Variants in ADGRD1 observed in about 807,000 individuals in gnomAD.
ADGRD1 encodes G-protein coupled receptor 133.
In ADGRD1, 77 loss-of-function variants were observed where a neutral mutation model predicts 113.4. The ratio of observed to expected loss-of-function variants is 0.68; its 90% CI spans 0.57 to 0.82. The LOEUF is 0.82. ADGRD1 is among the 40% of genes least tolerant of loss of function. The pLI, the probability that ADGRD1 is intolerant of heterozygous loss-of-function variation, is 0.00. For missense variants in ADGRD1, 1,036 were observed against 1,139.1 expected (o/e 0.91, Z 1.30); for synonymous variants, 474 against 475.0 (o/e 1.00, Z 0.03).
chr12:131,049,402 C>T (rs190060811), intron 13 of ADGRD1, among the ~76,000 whole-genome samples: 2 of 152,324 alleles, frequency 1.3e-5, no homozygotes, highest in East Asian at 1.9e-4. Context: ...TTCCTCCACT[C>T]GATGTGGAGA....
intron 13 of ADGRD1, among the ~76,000 whole-genome samples, chr12:131,071,927 G>A (rs908616314): frequency 1.3e-5 from 2 of 150,792 alleles, no homozygotes; most frequent in Non-Finnish European, 3.0e-5. Flanking sequence ...TGTGGGTCCC[G>A]GCCTGGCTTC....
intron 13 of ADGRD1, among the ~76,000 whole-genome samples, chr12:131,030,402 G>A (rs975321994): frequency 1.3e-5 from 2 of 152,220 alleles, no homozygotes; most frequent in Non-Finnish European, 2.9e-5. Flanking sequence ...TGGGGCAGTG[G>A]CTCTATCTCC....
At chr12:130,973,634 T>C (rs1202028181) in intron 4 of ADGRD1, among the ~76,000 whole-genome samples, 1 of 152,184 alleles carries the variant, frequency 6.6e-6, no homozygotes, top group Admixed American at 6.5e-5. Context: ...CAAACATGTA[T>C]TCACTCATTT....
intron 20 of ADGRD1, among the ~76,000 whole-genome samples, chr12:131,122,639 G>C (rs55680736): frequency 0.27 from 40,327 of 151,934 alleles, 5,616 homozygotes; most frequent in South Asian, 0.46. Flanking sequence ...TAGTGACAGA[G>C]GGTGGGAAGG....
At chr12:131,106,838 A>G (rs147205580) in intron 17 of ADGRD1, among the ~76,000 whole-genome samples, 2 of 152,326 alleles carry the variant, frequency 1.3e-5, no homozygotes, top group Non-Finnish European at 1.5e-5. Flanking sequence ...TGGGGTGTGC[A>G]CTGGCCTCAT....
intron 15 of ADGRD1, among the ~76,000 whole-genome samples, chr12:131,097,407 G>A (rs745714212): frequency 7.9e-5 from 12 of 152,300 alleles, no homozygotes; most frequent in African/African-American, 1.9e-4. Context: ...GTCCTCTCCC[G>A]TCCTGCAGCA....
At chr12:131,063,839 AC>A (rs1292176436) in intron 13 of ADGRD1, among the ~76,000 whole-genome samples, 1 of 152,220 alleles carries the variant, frequency 6.6e-6, no homozygotes, top group Non-Finnish European at 1.5e-5. Flanking sequence ...TGCTGGGATG[AC>A]TAGGAATTAC....
In ADGRD1 at chr12:131,057,613, G is replaced by T. The variant is rs998214607; in HGVS notation, c.1474-19188G>T. 6.6e-6 allele frequency among the ~76,000 whole-genome samples: 1 copy of T among 152,132 alleles called. No individual in the cohort carries two copies. The highest frequency in any genetic ancestry group is 1.5e-5 in the Non-Finnish European group (1 of 68,034). ...CCGTCTCCCCACGGCCTCCTCTTCCGTGTGTCATTGTCCTTTCCCGCAGTG... is the reference window on the plus strand; with the variant it reads ...CCGTCTCCCCACGGCCTCCTCTTCCTTGTGTCATTGTCCTTTCCCGCAGTG... On this transcript the variant is annotated intron_variant, in intron 13 of 24. Transcript: ENST00000261654. This position sits in a 1 kb window ranked among gnomAD's most constrained non-coding sequence, Gnocchi z 4.2.
chr12:131,038,387 C>T (rs764781230), intron 13 of ADGRD1, among the ~76,000 whole-genome samples: 8 of 152,232 alleles, frequency 5.3e-5, no homozygotes, highest in South Asian at 2.1e-4. Flanking sequence ...TGCCTGCCAC[C>T]TCCGGGTTGT....
chr12:131,078,821 A>G (rs1342446298), intron 14 of ADGRD1, among the ~76,000 whole-genome samples: 1 of 152,170 alleles, frequency 6.6e-6, no homozygotes, highest in Non-Finnish European at 1.5e-5. Flanking sequence ...TAGTATCTGT[A>G]TCCTTCCTGT....
intron 4 of ADGRD1, among the ~76,000 whole-genome samples, chr12:130,979,509 G>A (rs1026706082): frequency 1.3e-5 from 2 of 152,116 alleles, no homozygotes; most frequent in Non-Finnish European, 2.9e-5. Flanking sequence ...CCTTATACAC[G>A]AATGACAAAT....
In ADGRD1 at chr12:130,991,076, G is replaced by A. The variant is rs147105264; in HGVS notation, c.808G>A (p.Val270Met). The A allele has an allele frequency of 2.1e-5, 34 of 1,613,272 alleles. No individual in the cohort carries two copies. In the Admixed American group the frequency reaches 2.5e-4, roughly 12 times the overall value. The change falls in exon 7 of 25, where the codon GTG (valine) becomes ATG (methionine). Residue 270 changes from valine (V) to methionine (M), a missense_variant and splice_region_variant. Transcript: ENST00000261654. ...SLFMTSTASP[V>M]MPTDAYHPII... ...CTTCATGACATCCACAGCAAGCCCC[G>A]TGGTGAGCAGACACATCTTCCTTGG... is the stretch of plus-strand genomic sequence containing the variant.
At chr12:131,034,219 C>CCCA (rs1881131709) in intron 13 of ADGRD1, among the ~76,000 whole-genome samples, 1 of 152,238 alleles carries the variant, frequency 6.6e-6, no homozygotes, top group Non-Finnish European at 1.5e-5. Context: ...CCACTCCCCG[C>CCCA]CCATTCCACT....
chr12:131,028,519 C>T (rs548587844), intron 13 of ADGRD1, among the ~76,000 whole-genome samples: 22 of 152,220 alleles, frequency 1.4e-4, no homozygotes, highest in African/African-American at 4.8e-4. Flanking sequence ...CTGCCTAACC[C>T]GAGGCCATGA....
intron 13 of ADGRD1, chr12:131,071,016 A>G (rs1368287793): frequency 2.0e-6 from 1 of 490,242 alleles, no homozygotes; most frequent in Non-Finnish European, 4.1e-6. Context: ...GGGTGGGGCC[A>G]TGTACAAGGA....
At chr12:130,987,059 A>G in intron 5 of ADGRD1, 36 bp from the exon 6 acceptor site, 3 of 1,602,156 alleles carry the variant, frequency 1.9e-6, no homozygotes, top group Non-Finnish European at 2.6e-6. Context: ...GCTCATTCCC[A>G]CAGTACTCAG....
chr12:131,076,380 C>T (rs1226487847), intron 13 of ADGRD1, among the ~76,000 whole-genome samples: 4 of 152,030 alleles, frequency 2.6e-5, no homozygotes, highest in South Asian at 2.1e-4. Context: ...GGCAGGGTGC[C>T]GGTGCTGTTT....
chr12:131,101,040 G>A (rs1410464693), intron 15 of ADGRD1, among the ~76,000 whole-genome samples: 1 of 152,232 alleles, frequency 6.6e-6, no homozygotes, highest in African/African-American at 2.4e-5. Flanking sequence ...AGAGCTGCGA[G>A]ATGAGGTAGG....
chr12:131,104,039 C>T (rs534978520), intron 15 of ADGRD1, among the ~76,000 whole-genome samples: 42 of 152,342 alleles, frequency 2.8e-4, no homozygotes, highest in African/African-American at 9.6e-4. Flanking sequence ...ACTGCGGCTT[C>T]GGTTCTATCC....
Sources: gnomAD v4.1 joint callset for allele counts (sites outside exome capture counted in the v4.1 genomes callset) on GRCh38, gnomAD v4.1.1 for gene constraint, Gnocchi (gnomAD v3.1) non-coding constraint, MANE v1.5 for transcripts, NCBI Gene and HGNC (gene_info 2026-07-23, HGNC 2026-07-21) for gene names.